The following CYP2F1 variants were observed in gnomAD, a reference collection of about 807,000 sequenced individuals.
CYP2F1 encodes cytochrome P450 family 2 subfamily F member 1, also known as cytochrome P450 2F1.
In CYP2F1, 33 loss-of-function variants were observed where a neutral mutation model predicts 40.4. The ratio of observed to expected loss-of-function variants is 0.82; its 90% confidence interval spans 0.62 to 1.09. The LOEUF (loss-of-function observed/expected upper bound fraction) is 1.09. Ranked by LOEUF, CYP2F1 falls within the 50% of genes least tolerant of loss-of-function variation. The pLI, the probability that CYP2F1 is intolerant of heterozygous loss-of-function variation, is 0.00. For synonymous variants in CYP2F1, 235 were observed against 277.2 expected, an observed-to-expected ratio of 0.85 and a Z score of 1.51; for missense variants, 566 against 655.7, an observed-to-expected ratio of 0.86 and a Z score of 1.49.
At position 41,128,098 on chromosome 19, in the gene CYP2F1, A is replaced by C; in HGVS notation, c.*16A>C. 2.5e-6 allele frequency: 4 copies of C among 1,589,596 alleles called. No individual in the cohort carries two copies. The highest frequency in any genetic ancestry group is 3.4e-6 in the Non-Finnish European group (4 of 1,168,114). ...CCCGCGCTAACGCCCCGGCCCTTCCAGATTCGCCTGTGAGCGATGAGGCCC... is the reference window on the plus strand; with the variant it reads ...CCCGCGCTAACGCCCCGGCCCTTCCCGATTCGCCTGTGAGCGATGAGGCCC... On this transcript the variant is annotated 3_prime_UTR_variant, in exon 10 of 10. Coordinates refer to ENST00000331105, the MANE Select transcript of CYP2F1 (RefSeq NM_000774.5).
chr19:41,120,041 A>T (rs1242375123), intron 3 of CYP2F1, among the ~76,000 whole-genome samples: 1 of 151,872 alleles, frequency 6.6e-6, no homozygotes, highest in Non-Finnish European at 1.5e-5. Context: ...CAAGACAGGC[A>T]CCCACTCTGC....
At chr19:41,115,354 C>T (rs1371301253) in intron 1 of CYP2F1, among the ~76,000 whole-genome samples, 1 of 152,164 alleles carries the variant, frequency 6.6e-6, no homozygotes, top group East Asian at 1.9e-4. Context: ...TCTCCCTTGT[C>T]TTTCTCTAGC....
At chr19:41,123,208 G>GT (rs1223848808) in intron 7 of CYP2F1, 3 of 606,510 alleles carry the variant, frequency 4.9e-6, no homozygotes, top group Middle Eastern at 2.6e-4. Context: ...TCTTTGTTTT[G>GT]TTTTTTGGAG....
chr19:41,116,966 G>T (rs1265322149), intron 3 of CYP2F1, among the ~76,000 whole-genome samples: 1 of 151,714 alleles, frequency 6.6e-6, no homozygotes, highest in Non-Finnish European at 1.5e-5. Context: ...CCCAATCCCA[G>T]TCCCCATCAA....
chr19:41,123,946 C>T (rs2032378906), intron 7 of CYP2F1, among the ~76,000 whole-genome samples: 1 of 152,122 alleles, frequency 6.6e-6, no homozygotes, highest in South Asian at 2.1e-4. Flanking sequence ...CTCTCCCATG[C>T]AGCCTGGCCC....
Position 41,125,508 on chromosome 19 carries a change from A to G in CYP2F1, c.1168A>G (p.Thr390Ala). The change falls in exon 9 of 10, where the codon ACC becomes GCC. Residue 390 changes from threonine (T) to alanine (A), a missense_variant. By Grantham distance (58) the Thr-to-Ala change is moderately conservative. This residue lies in a region of CYP2F1 where 27 missense variants were observed against 68.4 expected (regional missense o/e 0.39). Transcript: ENST00000331105. ...ACCCACACAGGGCACCGATGTCATC[A>G]CCCTCCTTAACACCGTCCACTACGA... The part of the protein sequence containing the change: ...FLIPKGTDVI[T>A]LLNTVHYDPS... 1.9e-6 allele frequency: 3 copies of G among 1,539,820 alleles called. No homozygotes were observed. The highest frequency in any genetic ancestry group is 2.7e-6 in the Non-Finnish European group (3 of 1,122,008).
In CYP2F1 at chr19:41,119,748, TACACACACAC is replaced by T. The variant is rs147688839; in HGVS notation, c.335-571_335-562del. ...CTATATATATATATATATATATATA[TACACACACAC>T]ACACACACACACACACACACACACA... On this transcript the variant is annotated intron_variant, in intron 3 of 9. Transcript: ENST00000331105. Among the ~76,000 whole-genome samples the T allele has an allele frequency of 7.9e-3, 284 of 36,100 alleles. 6 individuals carry two copies. Among genetic ancestry groups the T allele is most frequent in the African/African-American group, 0.028 (260 of 9,178 alleles). The allele number at this position is 36,100 out of a possible 152,430, so 23.7% of individuals were successfully genotyped here. A position where few individuals can be genotyped will look rare whatever the true frequency, so the allele number is the denominator to read the frequency against.
intron 9 of CYP2F1, 107 bp from the exon 10 acceptor site, chr19:41,127,794 C>A (rs192100365): frequency 1.6e-5 from 12 of 763,388 alleles, no homozygotes; most frequent in Non-Finnish European, 2.6e-5. Context: ...TGTGACGTCC[C>A]CAGCTGCTGT....
chr19:41,127,362 G>T (rs1027733320), intron 9 of CYP2F1, among the ~76,000 whole-genome samples: 3 of 152,108 alleles, frequency 2.0e-5, no homozygotes, highest in African/African-American at 7.2e-5. Flanking sequence ...TTCTGAGACA[G>T]GGTCTTGCTG....
intron 9 of CYP2F1, among the ~76,000 whole-genome samples, chr19:41,127,258 A>T (rs1277340666): frequency 3.9e-5 from 6 of 152,220 alleles, no homozygotes; most frequent in Admixed American, 1.3e-4. Flanking sequence ...TGCATGGCCC[A>T]TGGTAAGCTA....
intron 4 of CYP2F1, 83 bp from the exon 5 acceptor site, chr19:41,121,375 T>A: frequency 7.3e-7 from 1 of 1,368,418 alleles, no homozygotes; most frequent in Non-Finnish European, 1.0e-6. Context: ...AGTCGGATGT[T>A]GTACAAATTA....
At position 41,120,467 on chromosome 19, in the gene CYP2F1, T is replaced by C; in HGVS notation, c.455T>C (p.Phe152Ser). The change falls in exon 4 of 10, where the codon TTC becomes TCC. Residue 152 changes from phenylalanine to serine, a missense_variant. Phe to Ser is a radical substitution (Grantham distance 155, BLOSUM62 -2). Coordinates refer to ENST00000331105, the MANE Select transcript of CYP2F1 (RefSeq NM_000774.5). ...GAGCGAATCCTAGAGGAGGGCAGCT[T>C]CCTGCTGGCGGAGCTGCGGAAAACT... ...IEERILEEGS[F>S]LLAELRKTEG... The C allele has an allele frequency of 1.2e-6, 2 of 1,613,524 alleles. No homozygotes were observed. Among genetic ancestry groups the C allele is most frequent in the Non-Finnish European group, 1.7e-6 (2 of 1,179,862 alleles).
chr19:41,119,748 TACACACAC>T (rs147688839), intron 3 of CYP2F1, among the ~76,000 whole-genome samples: 104 of 36,086 alleles, frequency 2.9e-3, no homozygotes, highest in African/African-American at 8.9e-3. Flanking sequence ...TATATATATA[TACACACAC>T]ACACACACAC....
At position 41,127,931 on chromosome 19, in the gene CYP2F1, C is replaced by T. The variant is rs769976329; in HGVS notation, c.1325C>T (p.Ala442Val). 33 of 1,612,726 alleles carry T rather than the reference C, an allele frequency of 2.0e-5. No homozygotes were observed. The highest frequency in any genetic ancestry group is 2.2e-5 in the East Asian group (1 of 44,872). The change falls in exon 10 of 10, where the codon GCG becomes GTG. Residue 442 changes from alanine (A) to valine (V), a missense_variant. Ala to Val is a moderately conservative substitution (Grantham distance 64). Around this residue, in one of 5 missense-constraint regions of CYP2F1, gnomAD observed 85 missense variants for 84.9 expected, o/e 1.00. Coordinates refer to ENST00000331105, the MANE Select transcript of CYP2F1 (RefSeq NM_000774.5). The part of the protein sequence containing the change: ...GRRLCLGESL[A>V]RMELFLYLTA... ...CGTCTGTGCCTGGGAGAGTCGCTGGCGCGCATGGAGCTCTTTCTGTACCTC... is the reference window on the plus strand; with the variant it reads ...CGTCTGTGCCTGGGAGAGTCGCTGGTGCGCATGGAGCTCTTTCTGTACCTC...
chr19:41,123,356 G>A lies in CYP2F1; in HGVS notation c.964+393G>A, dbSNP rs1437514847. 1.7e-5 allele frequency: 6 copies of A among 360,170 alleles called. No individual in the cohort carries two copies. In the Admixed American group the frequency reaches 1.8e-4, roughly 11 times the overall value. The allele number at this position is 360,170 out of a possible 1,614,324, so 22.3% of individuals were successfully genotyped here. A position where few individuals can be genotyped will look rare whatever the true frequency, so the allele number is the denominator to read the frequency against. On this transcript the variant is annotated intron_variant, in intron 7 of 9. Transcript: ENST00000331105. Reference sequence around the variant, plus strand: ...AGCTGGGATTACAGCCTCCCAAGTAGCTGGGATTACACCACCACATCCAGC... The same window carrying A: ...AGCTGGGATTACAGCCTCCCAAGTAACTGGGATTACACCACCACATCCAGC...
intron 9 of CYP2F1, among the ~76,000 whole-genome samples, chr19:41,126,068 G>T (rs951496465): frequency 2.0e-5 from 3 of 152,004 alleles, no homozygotes; most frequent in African/African-American, 7.3e-5. Context: ...AGGAGGCGGA[G>T]GTTGCAGTGA....
chr19:41,123,158 C>T (rs1306294175), intron 7 of CYP2F1, 195 bp downstream of exon 7: 15 of 711,060 alleles, frequency 2.1e-5, no homozygotes, highest in Non-Finnish European at 3.8e-5. Flanking sequence ...CTGCCCGAAT[C>T]CCGACCCAGA....
In CYP2F1 at chr19:41,128,350, A is replaced by AT. The variant is rs534284809; in HGVS notation, c.*270dup. The AT allele has an allele frequency of 0.37, 144,579 of 395,558 alleles. 21,575 individuals are homozygous for AT. Among genetic ancestry groups the AT allele is most frequent in the African/African-American group, 0.44 (19,087 of 43,350 alleles). The allele number at this position is 395,558 out of a possible 1,614,324, so 24.5% of individuals were successfully genotyped here. ...GGCTTTTTGTATCATTTCTTAGTAC[A>AT]TTGTAATAGATTCAAACCAGTCTTG... is the stretch of plus-strand genomic sequence containing the variant. On this transcript the variant is annotated 3_prime_UTR_variant, in exon 10 of 10. Coordinates refer to ENST00000331105, the MANE Select transcript of CYP2F1 (RefSeq NM_000774.5).
chr19:41,115,746 G>A (rs2031755515), intron 1 of CYP2F1, among the ~76,000 whole-genome samples: 1 of 150,386 alleles, frequency 6.6e-6, no homozygotes, highest in Non-Finnish European at 1.5e-5. Context: ...GATAATAGAT[G>A]AGAAACAAAG....
Sources: allele counts gnomAD v4.1 joint callset (sites outside exome capture counted in the v4.1 genomes callset), GRCh38; gene constraint gnomAD v4.1.1; regional missense constraint gnomAD v4.1.1; transcripts MANE v1.5; gene names NCBI Gene and HGNC (gene_info 2026-07-23, HGNC 2026-07-21).